The following VGLL3 variants were observed in gnomAD, a reference collection of about 807,000 sequenced individuals.
VGLL3 encodes the protein transcription cofactor vestigial-like protein 3.
VGLL3 carries 18 observed loss-of-function variants against 29.2 expected under a neutral mutation model. The ratio of observed to expected loss-of-function variants is 0.62; its 90% CI spans 0.43 to 0.91. The LOEUF (loss-of-function observed/expected upper bound fraction) is 0.91. VGLL3 is among the 40% of genes least tolerant of loss of function. The pLI is 0.00. For synonymous variants in VGLL3, 180 were observed against 151.8 expected, an observed-to-expected ratio of 1.19 and a Z score of -1.36; for missense variants, 440 against 413.2, an observed-to-expected ratio of 1.06 and a Z score of -0.56.
chr3:86,966,692 C>T (rs1372996140), intron 3 of VGLL3, among the ~76,000 whole-genome samples: 4 of 147,662 alleles, frequency 2.7e-5, no homozygotes, highest in Admixed American at 6.8e-5. Context: ...TTTTCTGAGC[C>T]TCAGGTTTCT....
chr3:86,969,257 C>T, intron 2 of VGLL3, 134 bp from the exon 3 acceptor site: 1 of 1,116,578 alleles, frequency 9.0e-7, no homozygotes, highest in South Asian at 1.7e-5. Context: ...TTATTCTCCC[C>T]AAACAGGGGT....
At chr3:86,959,639 T>C (rs1484762073) in intron 3 of VGLL3, among the ~76,000 whole-genome samples, 1 of 152,188 alleles carries the variant, frequency 6.6e-6, no homozygotes, top group African/African-American at 2.4e-5. Context: ...TTAGTAAATA[T>C]TCAAGGGTCT....
At chr3:86,954,670 A>G (rs1488629024) in intron 3 of VGLL3, among the ~76,000 whole-genome samples, 1 of 152,054 alleles carries the variant, frequency 6.6e-6, no homozygotes, top group Non-Finnish European at 1.5e-5. Flanking sequence ...TTTGAATGTC[A>G]AGGTGGCCAA....
At chr3:86,966,773 G>GTATATATATA (rs55986686) in intron 3 of VGLL3, among the ~76,000 whole-genome samples, 6 of 37,986 alleles carry the variant, frequency 1.6e-4, no homozygotes, top group Admixed American at 3.9e-4. Context: ...GTGTGTGTGT[G>GTATATATATA]TATATATATA....
intron 1 of VGLL3, among the ~76,000 whole-genome samples, chr3:86,979,760 G>A (rs1026152956): frequency 2.0e-5 from 3 of 152,008 alleles, no homozygotes; most frequent in Admixed American, 1.3e-4. Flanking sequence ...AAAACATACA[G>A]GTATAGACAT....
chr3:86,960,289 A>G (rs1466828601), intron 3 of VGLL3, among the ~76,000 whole-genome samples: 1 of 152,116 alleles, frequency 6.6e-6, no homozygotes, highest in Non-Finnish European at 1.5e-5. Flanking sequence ...CTGGCCTTAA[A>G]CCATAAATAA....
intron 1 of VGLL3, among the ~76,000 whole-genome samples, chr3:86,988,497 T>G (rs1705498315): frequency 6.6e-6 from 1 of 151,336 alleles, no homozygotes; most frequent in African/African-American, 2.4e-5. Flanking sequence ...CTGATAAGAA[T>G]TTCCTGATTT....
chr3:86,949,743 C>T (rs972312919), intron 3 of VGLL3, among the ~76,000 whole-genome samples: 2 of 149,700 alleles, frequency 1.3e-5, no homozygotes, highest in Non-Finnish European at 3.0e-5. Context: ...AGGAGAATGG[C>T]GTGAACCCGG....
At chr3:86,982,449 CTTTTT>C (rs563026048) in intron 1 of VGLL3, among the ~76,000 whole-genome samples, 1 of 141,700 alleles carries the variant, frequency 7.1e-6, no homozygotes, top group East Asian at 2.1e-4. Flanking sequence ...TCCAGCTCTG[CTTTTT>C]TTTTTTTTTT....
intron 2 of VGLL3, among the ~76,000 whole-genome samples, chr3:86,971,586 C>T (rs1705101307): frequency 6.6e-6 from 1 of 152,144 alleles, no homozygotes; most frequent in Non-Finnish European, 1.5e-5. Flanking sequence ...CCAAAAATAC[C>T]ACCTATAATC....
intron 1 of VGLL3, among the ~76,000 whole-genome samples, chr3:86,979,923 G>A (rs192003668): frequency 6.6e-5 from 10 of 152,094 alleles, no homozygotes; most frequent in East Asian, 1.9e-4. Context: ...TGTGTAATAC[G>A]TTTATAGTTA....
rs1410804379 is a variant in VGLL3, at chr3:86,978,719, C to T, written c.210G>A (p.Glu70=). The T allele has an allele frequency of 6.2e-7, 1 of 1,614,068 alleles. No homozygotes were observed. Among genetic ancestry groups the T allele is most frequent in the Admixed American group, 1.7e-5 (1 of 60,008 alleles). ...PSKQEEEDEE[E]EEEEKDQPAE... Reference sequence around the variant, plus strand: ...CAGGCTGGTCTTTCTCCTCCTCCTCCTCCTCCTCATCCTCCTCCTCTTGTT... The same window carrying T: ...CAGGCTGGTCTTTCTCCTCCTCCTCTTCCTCCTCATCCTCCTCCTCTTGTT... Residue 70 remains glutamate (E), a synonymous_variant, in exon 2 of 4, where the codon GAG becomes GAA. Coordinates refer to ENST00000398399, the MANE Select transcript of VGLL3 (RefSeq NM_016206.4).
intron 1 of VGLL3, 173 bp downstream of exon 1, chr3:86,990,445 T>A (rs1215874187): frequency 2.0e-5 from 20 of 977,668 alleles, no homozygotes; most frequent in Non-Finnish European, 2.3e-5. Flanking sequence ...CCGTCCACCC[T>A]GCTGCTCTCC....
At chr3:86,957,916 C>G (rs1704755903) in intron 3 of VGLL3, among the ~76,000 whole-genome samples, 1 of 152,066 alleles carries the variant, frequency 6.6e-6, no homozygotes, top group Non-Finnish European at 1.5e-5. Context: ...TCCTCAAACT[C>G]CTATTAGTGA....
intron 3 of VGLL3, among the ~76,000 whole-genome samples, chr3:86,954,620 T>A (rs1010967507): frequency 1.3e-5 from 2 of 152,162 alleles, no homozygotes; most frequent in African/African-American, 4.8e-5. Flanking sequence ...TAGAGTTAGG[T>A]AGTTTTTTTT....
At chr3:86,977,840 T>C (rs1321818894) in intron 2 of VGLL3, among the ~76,000 whole-genome samples, 2 of 152,252 alleles carry the variant, frequency 1.3e-5, no homozygotes, top group Non-Finnish European at 2.9e-5. Flanking sequence ...ATTATGTTTT[T>C]ATCTAACCCT....
At chr3:86,950,317 C>T (rs1163122065) in intron 3 of VGLL3, among the ~76,000 whole-genome samples, 2 of 152,110 alleles carry the variant, frequency 1.3e-5, no homozygotes, top group East Asian at 3.9e-4. Context: ...AAGCACAGTG[C>T]TAAGTGCTTT....
chr3:86,979,896 AT>A (rs1705288085), intron 1 of VGLL3, among the ~76,000 whole-genome samples: 1 of 152,054 alleles, frequency 6.6e-6, no homozygotes, highest in South Asian at 2.1e-4. Context: ...ACAAAAATGT[AT>A]TTTGTATTGT....
chr3:86,970,502 C>CACACAG (rs1421780792), intron 2 of VGLL3, among the ~76,000 whole-genome samples: 4 of 151,632 alleles, frequency 2.6e-5, no homozygotes, highest in Admixed American at 2.0e-4. Flanking sequence ...CACACACACA[C>CACACAG]ACACACACAC....
Sources: allele counts gnomAD v4.1 joint callset (sites outside exome capture counted in the v4.1 genomes callset), GRCh38; gene constraint gnomAD v4.1.1; transcripts MANE v1.5; gene names NCBI Gene and HGNC (gene_info 2026-07-23, HGNC 2026-07-21).